VIPR2: variants seen among roughly 807,000 people sequenced by gnomAD.
VIPR2 encodes the protein vasoactive intestinal peptide receptor 2, also known as vasoactive intestinal polypeptide receptor 2.
A neutral mutation model predicts 58.0 loss-of-function variants in VIPR2; 48 were observed. That is an observed-to-expected ratio of 0.83 (90% CI 0.66 to 1.05). The LOEUF is 1.05. Among genes scored for constraint, VIPR2 ranks in the 50% least tolerant of loss-of-function variants. VIPR2 has a pLI of 0.00. For missense variants in VIPR2, 534 were observed against 558.0 expected (o/e 0.96, Z 0.43); for synonymous variants, 243 against 235.2 (o/e 1.03, Z -0.30).
chr7:159,091,473 G>A (rs1161498236), intron 4 of VIPR2, among the ~76,000 whole-genome samples: 1 of 152,224 alleles, frequency 6.6e-6, no homozygotes, highest in Non-Finnish European at 1.5e-5. Flanking sequence ...GTGATATGAT[G>A]ATGAAAGGAA....
At chr7:159,063,286 G>A (rs547635904) in intron 4 of VIPR2, among the ~76,000 whole-genome samples, 59 of 152,286 alleles carry the variant, frequency 3.9e-4, no homozygotes, top group Admixed American at 3.7e-3. Flanking sequence ...CTGCCCTGCG[G>A]GGAGGCAGCT....
chr7:159,133,799 G>A (rs190995774), intron 2 of VIPR2, among the ~76,000 whole-genome samples: 1 of 152,188 alleles, frequency 6.6e-6, no homozygotes, highest in East Asian at 1.9e-4. Context: ...AATATTTTGT[G>A]AGAAAAAAGG....
chr7:159,124,158 C>G (rs1326945641), intron 2 of VIPR2, among the ~76,000 whole-genome samples: 1 of 152,154 alleles, frequency 6.6e-6, no homozygotes, highest in Non-Finnish European at 1.5e-5. Flanking sequence ...TAATTAGACT[C>G]CATTTGTCAA....
chr7:159,105,054 C>T (rs570575798), intron 3 of VIPR2, among the ~76,000 whole-genome samples: 3 of 152,384 alleles, frequency 2.0e-5, no homozygotes, highest in South Asian at 4.1e-4. Context: ...TCATCTTTTG[C>T]GCCTACGGAA....
chr7:159,051,154 C>T (rs1016486808), intron 5 of VIPR2, among the ~76,000 whole-genome samples: 2 of 152,114 alleles, frequency 1.3e-5, no homozygotes, highest in Non-Finnish European at 2.9e-5. Flanking sequence ...TCACAAAATG[C>T]AGGAGAATGA....
intron 5 of VIPR2, among the ~76,000 whole-genome samples, chr7:159,047,186 A>C (rs1355288966): frequency 6.6e-6 from 1 of 152,218 alleles, no homozygotes; most frequent in Non-Finnish European, 1.5e-5. Context: ...GATTGAATCC[A>C]GGAGCCGAGA....
At chr7:159,094,616 T>C (rs369759382) in intron 4 of VIPR2, among the ~76,000 whole-genome samples, 11 of 152,242 alleles carry the variant, frequency 7.2e-5, no homozygotes, top group African/African-American at 1.4e-4. Context: ...AGTGTGATTT[T>C]GCAGCTTCTT....
chr7:159,055,106 T>C (rs1486192555), intron 5 of VIPR2, among the ~76,000 whole-genome samples: 1 of 152,114 alleles, frequency 6.6e-6, no homozygotes, highest in Non-Finnish European at 1.5e-5. Context: ...ATACATCATA[T>C]TTTTTTGAGT....
rs1585412899 is a variant in VIPR2, at chr7:159,070,255, C to T, written c.358-11677G>A. 3.9e-5 allele frequency among the ~76,000 whole-genome samples: 6 copies of T among 152,312 alleles called. 1 individual carries two copies. In the South Asian group the frequency reaches 1.2e-3, roughly 32 times the overall value. On this transcript the variant is annotated intron_variant, in intron 4 of 12. Transcript: ENST00000262178. ...CCCGGGGTCAGATTCCAAGCAGCCG[C>T]CCCTGCATCCAGGGCTGCACGGAGG...
In VIPR2 at chr7:159,030,566, G is replaced by A; in HGVS notation, c.*50C>T. 1 of 1,477,586 alleles carries A rather than the reference G, an allele frequency of 6.8e-7. No homozygotes were observed. Among genetic ancestry groups the A allele is most frequent in the Non-Finnish European group, 9.0e-7 (1 of 1,110,676 alleles). The allele number at this position is 1,477,586 out of a possible 1,614,324, so 91.5% of individuals were successfully genotyped here. ...AGGAAGCCGGCGTCTCAGCCCCGCA[G>A]AAGCCCCGAACCGTGGGCCTCCCGC... On this transcript the variant is annotated 3_prime_UTR_variant, in exon 13 of 13. Coordinates refer to ENST00000262178, the MANE Select transcript of VIPR2 (RefSeq NM_003382.5).
At position 159,058,576 on chromosome 7, in the gene VIPR2, G is replaced by C. The variant is rs1345935940; in HGVS notation, c.360C>G (p.Ile120Met). The C allele has an allele frequency of 2.5e-6, 4 of 1,602,898 alleles. No homozygotes were observed. Among genetic ancestry groups the C allele is most frequent in the Non-Finnish European group, 3.4e-6 (4 of 1,170,164 alleles). The change falls in exon 5 of 13, where the codon ATC becomes ATG. Residue 120 changes from isoleucine to methionine, a missense_variant and splice_region_variant. Coordinates refer to ENST00000262178, the MANE Select transcript of VIPR2 (RefSeq NM_003382.5). ...TGGCCTTCACCAGAATATAAAACGTGATCTACAAAGAAAGAAAACAGATCT... is the reference window on the plus strand; with the variant it reads ...TGGCCTTCACCAGAATATAAAACGTCATCTACAAAGAAAGAAAACAGATCT... ...GYSDPEDESK[I>M]TFYILVKAIY...
At chr7:159,065,726 G>A (rs1177332538) in intron 4 of VIPR2, among the ~76,000 whole-genome samples, 1 of 152,230 alleles carries the variant, frequency 6.6e-6, no homozygotes, top group East Asian at 1.9e-4. Context: ...CAGGGACACA[G>A]TTATTGAAAG....
chr7:159,086,375 C>A (rs1280259639), intron 4 of VIPR2, among the ~76,000 whole-genome samples: 3 of 152,194 alleles, frequency 2.0e-5, no homozygotes, highest in Non-Finnish European at 4.4e-5. Context: ...GTGCCCTGTT[C>A]TGACCCACGC....
chr7:159,112,801 G>A (rs991487282), intron 2 of VIPR2, among the ~76,000 whole-genome samples: 1 of 148,104 alleles, frequency 6.8e-6, no homozygotes, highest in Non-Finnish European at 1.5e-5. Context: ...ACCCGGCTGA[G>A]AGCCCCGACT....
intron 4 of VIPR2, among the ~76,000 whole-genome samples, chr7:159,061,174 C>T (rs1855624521): frequency 6.6e-6 from 1 of 151,922 alleles, no homozygotes; most frequent in Non-Finnish European, 1.5e-5. Flanking sequence ...GAGCAAAACA[C>T]GGTACTCAGG....
chr7:159,134,712 C>T (rs1367017083), intron 2 of VIPR2, among the ~76,000 whole-genome samples: 1 of 151,392 alleles, frequency 6.6e-6, no homozygotes, highest in Non-Finnish European at 1.5e-5. Flanking sequence ...GGCTGGAGTA[C>T]AGTGGGGCCA....
intron 4 of VIPR2, among the ~76,000 whole-genome samples, chr7:159,101,125 C>T (rs1858195943): frequency 7.6e-6 from 1 of 131,768 alleles, no homozygotes; most frequent in Non-Finnish European, 1.6e-5. Flanking sequence ...CCGACTGTTC[C>T]TGTGGTAGTG....
chr7:159,103,770 T>G lies in VIPR2; in HGVS notation c.344A>C (p.Glu115Ala), dbSNP rs1858446144. ...GCAGGAGCCTACCTTGCTCTCATCC[T>G]CCGGGTCGCTGTAGCCACAGGCATC... ...FVDACGYSDPEDESKITFYIL... is the reference protein window; with the variant it reads ...FVDACGYSDPADESKITFYIL... The change falls in exon 4 of 13, where the codon GAG becomes GCG. Residue 115 changes from glutamate (E) to alanine (A), a missense_variant. Physicochemically the swap from Glu to Ala is moderately radical, Grantham distance 107. Transcript: ENST00000262178. 2 of 1,614,090 alleles carry G rather than the reference T, an allele frequency of 1.2e-6. No homozygotes were observed. Among genetic ancestry groups the G allele is most frequent in the Non-Finnish European group, 1.7e-6 (2 of 1,179,976 alleles).
In VIPR2 at chr7:159,099,873, G is replaced by T. The variant is rs906013136; in HGVS notation, c.357+3884C>A. On this transcript the variant is annotated intron_variant, in intron 4 of 12. Transcript: ENST00000262178. The surrounding 1 kb of genome is among the most constrained non-coding windows in gnomAD (Gnocchi z 4.2). ...TGCTGTGATCTCACACACCAGAGCCGCTGTCAGCCATGGTGTGTGATGACA... is the reference window on the plus strand; with the variant it reads ...TGCTGTGATCTCACACACCAGAGCCTCTGTCAGCCATGGTGTGTGATGACA... Among the ~76,000 whole-genome samples, 1 of 152,096 alleles carries T rather than the reference G, an allele frequency of 6.6e-6. No homozygotes were observed. The highest frequency in any genetic ancestry group is 1.5e-5 in the Non-Finnish European group (1 of 68,008).
Sources: allele counts gnomAD v4.1 joint callset (sites outside exome capture counted in the v4.1 genomes callset), GRCh38; gene constraint gnomAD v4.1.1; non-coding constraint Gnocchi (gnomAD v3.1); transcripts MANE v1.5; gene names NCBI Gene and HGNC (gene_info 2026-07-23, HGNC 2026-07-21).